Variants in TNR observed in about 807,000 individuals in gnomAD.
The protein encoded by TNR is tenascin R.
A neutral mutation model predicts 150.4 loss-of-function variants in TNR; 45 were observed. The observed-to-expected ratio is 0.30, with a 90% CI of 0.24 to 0.38. The LOEUF is 0.38. Among genes scored for constraint, TNR ranks in the 10% least tolerant of loss-of-function variants. The probability of loss-of-function intolerance (pLI) is 1.00; values close to 1 mark genes in which losing one functional copy is unlikely to be tolerated. For missense variants in TNR, 1,544 were observed against 1,759.1 expected (o/e 0.88, Z 2.19); for synonymous variants, 687 against 678.4 (o/e 1.01, Z -0.20).
At chr1:175,664,520 T>G (rs548871388) in intron 1 of TNR, among the ~76,000 whole-genome samples, 2 of 152,326 alleles carry the variant, frequency 1.3e-5, no homozygotes, top group African/African-American at 4.8e-5. Flanking sequence ...AGGGCAGAAC[T>G]CTAACATGTG....
rs1359629850 is a variant in TNR at position 175,315,235 on chromosome 1, A to T, written c.*8122T>A. On this transcript the variant is annotated 3_prime_UTR_variant, in exon 23 of 23. Transcript: ENST00000367674. ...TTATTAACGTATAGAAAATGTGTTT[A>T]AAAAAGGAACTATACAGAGGCTAAA... 1 of 152,154 alleles carries T rather than the reference A, an allele frequency of 6.6e-6. No individual in the cohort carries two copies. The highest frequency in any genetic ancestry group is 2.4e-5 in the African/African-American group (1 of 41,438). 9.4% of individuals were successfully genotyped at this position (152,154 alleles called of 1,614,324 possible). A position where few individuals can be genotyped will look rare whatever the true frequency, so the allele number is the denominator to read the frequency against.
chr1:175,388,723 A>C (rs1408369381), intron 7 of TNR, among the ~76,000 whole-genome samples: 1 of 152,218 alleles, frequency 6.6e-6, no homozygotes, highest in Non-Finnish European at 1.5e-5. Context: ...AACTGGAATA[A>C]ATGTCTTTCC....
chr1:175,339,095 CA>C (rs1344772960), intron 18 of TNR, among the ~76,000 whole-genome samples: 1 of 152,146 alleles, frequency 6.6e-6, no homozygotes, highest in East Asian at 1.9e-4. Flanking sequence ...GAGAGGACAG[CA>C]GATTGGTATA....
At position 175,709,292 on chromosome 1, in the gene TNR, T is replaced by TACAC. The variant is rs1558084753; in HGVS notation, c.-165+33933_-165+33934insGTGT. 6.6e-4 allele frequency among the ~76,000 whole-genome samples: 88 copies of TACAC among 133,780 alleles called. 1 individual carries two copies. Among genetic ancestry groups the TACAC allele is most frequent in the African/African-American group, 2.3e-3 (77 of 33,728 alleles). 87.8% of individuals were successfully genotyped at this position (133,780 alleles called of 152,430 possible). A position where few individuals can be genotyped will look rare whatever the true frequency, so the allele number is the denominator to read the frequency against. On this transcript the variant is annotated intron_variant, in intron 1 of 22. Coordinates refer to ENST00000367674, the MANE Select transcript of TNR (RefSeq NM_003285.3). Reference sequence around the variant, plus strand: ...CCAAAATTGGGCTTCCTCCCTTGCTTTCACACACACACACATACACACACA... The same window carrying TACAC: ...CCAAAATTGGGCTTCCTCCCTTGCTTACACTCACACACACACACATACACACACA...
rs948978032 is a variant in TNR, at chr1:175,692,137, A to G, written c.-165+51089T>C. ...GGAGCAAAATGTATCCGTGGGTGTC[A>G]GGAAAGGGAATAAGAGGGATAAAAT... On this transcript the variant is annotated intron_variant, in intron 1 of 22. Transcript: ENST00000367674. Among the ~76,000 whole-genome samples, 9 of 152,248 alleles carry G rather than the reference A, an allele frequency of 5.9e-5. 1 individual carries two copies. Among genetic ancestry groups the G allele is most frequent in the Admixed American group, 1.3e-4 (2 of 15,290 alleles).
At chr1:175,405,915 A>T (rs1043898811) in intron 3 of TNR, among the ~76,000 whole-genome samples, 7 of 152,224 alleles carry the variant, frequency 4.6e-5, no homozygotes, top group Admixed American at 2.0e-4. Context: ...TGCTGAACCG[A>T]TGAACCATTA....
rs182064403 is a variant in TNR at position 175,516,980 on chromosome 1, A to G, written c.-64+11289T>C. 2.0e-3 allele frequency among the ~76,000 whole-genome samples: 301 copies of G among 148,606 alleles called. 5 individuals carry two copies. Among genetic ancestry groups the G allele is most frequent in the Admixed American group, 0.019 (287 of 14,864 alleles). ...TTTTGACACTTTTTAATCCCTGAGA[A>G]TTCTGAAGCACAAATTAGTACATCT... On this transcript the variant is annotated intron_variant, in intron 2 of 22. Coordinates refer to ENST00000367674, the MANE Select transcript of TNR (RefSeq NM_003285.3).
At chr1:175,447,235 G>A (rs889075128) in intron 2 of TNR, among the ~76,000 whole-genome samples, 1 of 151,414 alleles carries the variant, frequency 6.6e-6, no homozygotes, top group South Asian at 2.1e-4. Flanking sequence ...AGGGGGTGGG[G>A]AGGGGAGAGG....
intron 1 of TNR, among the ~76,000 whole-genome samples, chr1:175,647,733 G>A (rs975362880): frequency 2.6e-5 from 4 of 152,122 alleles, no homozygotes; most frequent in Non-Finnish European, 5.9e-5. Flanking sequence ...TTGACAGTGG[G>A]GCCTTCCTCA....
chr1:175,321,376 A>G lies in TNR; in HGVS notation c.*1981T>C, dbSNP rs996478915. The G allele has an allele frequency of 1.3e-5, 2 of 152,166 alleles. No individual in the cohort carries two copies. The highest frequency in any genetic ancestry group is 2.9e-5 in the Non-Finnish European group (2 of 68,050). 9.4% of individuals were successfully genotyped at this position (152,166 alleles called of 1,614,324 possible). ...TGATGGTCAGCCCAAGGGACTTTTC[A>G]TCTTGGTTCTCAAAGCTTGGTAAGA... On this transcript the variant is annotated 3_prime_UTR_variant, in exon 23 of 23. Coordinates refer to ENST00000367674, the MANE Select transcript of TNR (RefSeq NM_003285.3).
intron 2 of TNR, among the ~76,000 whole-genome samples, chr1:175,497,191 A>C (rs1287221492): frequency 1.3e-5 from 2 of 152,176 alleles, no homozygotes; most frequent in African/African-American, 4.8e-5. Context: ...TCCAGAACGC[A>C]TACTTTGCGG....
chr1:175,393,862 G>A lies in TNR; in HGVS notation c.1274C>T (p.Thr425Met), dbSNP rs201687672. 134 of 1,614,156 alleles carry A rather than the reference G, an allele frequency of 8.3e-5. 3 individuals carry two copies. The highest frequency in any genetic ancestry group is 6.7e-4 in the East Asian group (30 of 44,880). Residue 425 changes from threonine to methionine, a missense_variant, in exon 6 of 23, where the codon ACG (threonine) becomes ATG (methionine). Thr to Met is a moderately conservative substitution (Grantham distance 81). Around this residue, in one of 2 missense-constraint regions of TNR, gnomAD observed 1,254 missense variants for 1,329.4 expected, o/e 0.94. Coordinates refer to ENST00000367674, the MANE Select transcript of TNR (RefSeq NM_003285.3). Reference protein sequence around the residue: ...LSTPQGLQFKTITETTVEVQW... With the variant: ...LSTPQGLQFKMITETTVEVQW... ...CACCTCCACGGTGGTCTCTGTGATC[G>A]TCTTAAATTGTAGCCCTTGAGGAGT...
At chr1:175,606,772 G>C (rs770680680) in intron 1 of TNR, among the ~76,000 whole-genome samples, 1 of 152,158 alleles carries the variant, frequency 6.6e-6, no homozygotes, top group Non-Finnish European at 1.5e-5. Context: ...GCAGCTTGGG[G>C]TTTGCATTCC....
chr1:175,610,599 C>T (rs1663560768), intron 1 of TNR, among the ~76,000 whole-genome samples: 2 of 152,200 alleles, frequency 1.3e-5, no homozygotes, highest in East Asian at 3.8e-4. Context: ...GACTTTCACC[C>T]CATCTCCCCA....
At chr1:175,533,547 T>C (rs1217392842) in intron 1 of TNR, among the ~76,000 whole-genome samples, 2 of 152,246 alleles carry the variant, frequency 1.3e-5, no homozygotes, top group Admixed American at 1.3e-4. Context: ...TTGCTGAGGC[T>C]TAATAAAGTC....
At chr1:175,589,125 G>A (rs113707204) in intron 1 of TNR, among the ~76,000 whole-genome samples, 4 of 152,206 alleles carry the variant, frequency 2.6e-5, no homozygotes, top group South Asian at 2.1e-4. Flanking sequence ...TAGGATTGAG[G>A]AGGGGAAGGG....
In TNR at chr1:175,625,638, C is replaced by A. The variant is rs554994664; in HGVS notation, c.-164-97269G>T. Among the ~76,000 whole-genome samples, 32 of 152,364 alleles carry A rather than the reference C, an allele frequency of 2.1e-4. No individual in the cohort carries two copies. In the South Asian group the frequency reaches 6.2e-3, roughly 30 times the overall value. ...ACCCTGTTCTCAATAGAGAATGTTT[C>A]TGCTGCTGTTAAAGGGCTCCCCACT... On this transcript the variant is annotated intron_variant, in intron 1 of 22. Coordinates refer to ENST00000367674, the MANE Select transcript of TNR (RefSeq NM_003285.3).
rs532636268 is a variant in TNR at position 175,610,764 on chromosome 1, T to C, written c.-164-82395A>G. Among the ~76,000 whole-genome samples, 5 of 152,296 alleles carry C rather than the reference T, an allele frequency of 3.3e-5. No individual in the cohort carries two copies. In the South Asian group the frequency reaches 1.0e-3, roughly 32 times the overall value. On this transcript the variant is annotated intron_variant, in intron 1 of 22. Coordinates refer to ENST00000367674, the MANE Select transcript of TNR (RefSeq NM_003285.3). ...CAACCATTCTTTCTAATAAAACCTC[T>C]CCTTACTAAGTCCAGAAATGTTCTT...
chr1:175,588,180 C>T (rs1055620607), intron 1 of TNR, among the ~76,000 whole-genome samples: 1 of 152,166 alleles, frequency 6.6e-6, no homozygotes, highest in Non-Finnish European at 1.5e-5. Context: ...TATTCCATAA[C>T]CGCTTAATGG....
Sources: gnomAD v4.1 joint callset for allele counts (sites outside exome capture counted in the v4.1 genomes callset) on GRCh38, gnomAD v4.1.1 for gene constraint, gnomAD v4.1.1 regional missense constraint, MANE v1.5 for transcripts, NCBI Gene and HGNC (gene_info 2026-07-23, HGNC 2026-07-21) for gene names.